TMEM232: variants seen among roughly 807,000 people sequenced by gnomAD.
TMEM232 encodes transmembrane protein 232.
TMEM232 carries 80 observed loss-of-function variants against 78.8 expected under a neutral mutation model. The observed-to-expected ratio is 1.01, with a 90% CI of 0.85 to 1.22. The LOEUF is 1.22. TMEM232 is among the 50% of genes most tolerant of loss of function. The pLI is 0.00. For synonymous variants in TMEM232, 297 were observed against 254.3 expected (o/e 1.17, Z -1.60); for missense variants, 881 against 742.2 (o/e 1.19, Z -2.17).
At chr5:110,387,719 C>A (rs1755039667) in intron 5 of TMEM232, 1 of 152,154 alleles carries the variant, frequency 6.6e-6, no homozygotes, top group African/African-American at 2.4e-5. Flanking sequence ...AAATACCCTT[C>A]TAGATGTTTT....
intron 1 of TMEM232, among the ~76,000 whole-genome samples, chr5:110,682,211 T>C (rs1041352641): frequency 6.6e-6 from 1 of 152,178 alleles, no homozygotes; most frequent in Admixed American, 6.5e-5. Flanking sequence ...ATTAAAATTA[T>C]CCTTAAGATT....
chr5:110,731,765 T>A (rs1335493925), intron 2 of TMEM232, among the ~76,000 whole-genome samples: 1 of 152,222 alleles, frequency 6.6e-6, no homozygotes, highest in African/African-American at 2.4e-5. Context: ...GATGGAAGGA[T>A]GCCATGAAAG....
intron 12 of TMEM232, among the ~76,000 whole-genome samples, chr5:110,486,734 G>T (rs1764504462): frequency 6.6e-6 from 1 of 152,058 alleles, no homozygotes; most frequent in Non-Finnish European, 1.5e-5. Flanking sequence ...AGTATAGTTT[G>T]AAATCAGGTA....
chr5:110,514,028 C>A (rs779761564), intron 12 of TMEM232: 2 of 168,154 alleles, frequency 1.2e-5, no homozygotes, highest in East Asian at 3.8e-4. Flanking sequence ...TGATCCAACC[C>A]ATTTATTTAA....
intron 2 of TMEM232, among the ~76,000 whole-genome samples, chr5:110,658,351 G>A (rs544097968): frequency 1.3e-5 from 2 of 151,954 alleles, no homozygotes; most frequent in African/African-American, 2.4e-5. Flanking sequence ...TATTGCCTTT[G>A]TGTTTCTTTA....
chr5:110,680,052 T>C (rs1215650819), intron 1 of TMEM232, among the ~76,000 whole-genome samples: 2 of 152,112 alleles, frequency 1.3e-5, no homozygotes, highest in Non-Finnish European at 2.9e-5. Context: ...TCTGGAGTTG[T>C]CCAGGAATGT....
intron 1 of TMEM232, among the ~76,000 whole-genome samples, chr5:110,716,539 CAA>C (rs1426356810): frequency 6.6e-6 from 1 of 152,064 alleles, no homozygotes. Flanking sequence ...GCACAGTTCA[CAA>C]TAGAGTTTGC....
At chr5:110,395,594 T>A (rs1755355193) in intron 3 of TMEM232, among the ~76,000 whole-genome samples, 1 of 152,134 alleles carries the variant, frequency 6.6e-6, no homozygotes, top group South Asian at 2.1e-4. Context: ...AATTTTCAGA[T>A]TGTTTGGTGT....
chr5:110,432,660 G>A (rs1160017820), intron 12 of TMEM232, among the ~76,000 whole-genome samples: 1 of 151,614 alleles, frequency 6.6e-6, no homozygotes, highest in Non-Finnish European at 1.5e-5. Context: ...TAGCCTAAAT[G>A]CTCCACTTAC....
chr5:110,623,084 G>C (rs1464740096), intron 7 of TMEM232, among the ~76,000 whole-genome samples: 3 of 152,014 alleles, frequency 2.0e-5, no homozygotes, highest in Non-Finnish European at 4.4e-5. Flanking sequence ...CAGCGTTCTG[G>C]CTCTGCTATC....
intron 1 of TMEM232, among the ~76,000 whole-genome samples, chr5:110,692,641 C>T (rs939090543): frequency 2.6e-5 from 4 of 152,352 alleles, no homozygotes; most frequent in African/African-American, 9.6e-5. Context: ...AAACGGCACA[C>T]CAGGAGATTA....
intron 12 of TMEM232, among the ~76,000 whole-genome samples, chr5:110,444,736 T>C (rs1305841215): frequency 6.6e-6 from 1 of 152,202 alleles, no homozygotes; most frequent in African/African-American, 2.4e-5. Flanking sequence ...AAATTTATTT[T>C]TGAGCACAAT....
chr5:110,701,582 T>A (rs142045696), intron 1 of TMEM232, among the ~76,000 whole-genome samples: 86 of 152,154 alleles, frequency 5.7e-4, no homozygotes, highest in Non-Finnish European at 8.4e-4. Context: ...TTGTAAGCAA[T>A]TAATATTTTA....
intron 11 of TMEM232, among the ~76,000 whole-genome samples, chr5:110,532,532 G>T (rs1247999030): frequency 6.6e-6 from 1 of 151,764 alleles, no homozygotes; most frequent in African/African-American, 2.4e-5. Flanking sequence ...CCCCAACTCT[G>T]GTGCCAACTT....
chr5:110,427,385 G>A (rs1032065546), intron 12 of TMEM232, among the ~76,000 whole-genome samples: 1 of 151,878 alleles, frequency 6.6e-6, no homozygotes, highest in African/African-American at 2.4e-5. Flanking sequence ...GAATTCAGAG[G>A]AAAAAGCCAT....
At chr5:110,552,046 G>T (rs1171970799) in intron 11 of TMEM232, among the ~76,000 whole-genome samples, 1 of 151,976 alleles carries the variant, frequency 6.6e-6, no homozygotes, top group African/African-American at 2.4e-5. Flanking sequence ...AATACAGAAA[G>T]AAATGAAGAA....
intron 11 of TMEM232, among the ~76,000 whole-genome samples, chr5:110,556,937 A>T (rs1581202492): frequency 6.6e-6 from 1 of 152,036 alleles, no homozygotes; most frequent in Non-Finnish European, 1.5e-5. Flanking sequence ...GGTTAAGGAC[A>T]TTTTCATTGG....
intron 12 of TMEM232, among the ~76,000 whole-genome samples, chr5:110,484,744 G>A (rs1042110517): frequency 7.9e-5 from 12 of 151,942 alleles, no homozygotes; most frequent in Non-Finnish European, 7.4e-5. Context: ...TGGTGAACTC[G>A]TCAATATAAC....
At chr5:110,414,902 G>C (rs952196731), downstream of TMEM232, among the ~76,000 whole-genome samples, 1 of 152,140 alleles carries the variant, frequency 6.6e-6, no homozygotes, top group African/African-American at 2.4e-5. Context: ...CACTGAAGTA[G>C]ATCTAATTTC....
Sources: gnomAD v4.1 joint callset for allele counts (sites outside exome capture counted in the v4.1 genomes callset) on GRCh38, gnomAD v4.1.1 for gene constraint, MANE v1.5 for transcripts, NCBI Gene and HGNC (gene_info 2026-07-23, HGNC 2026-07-21) for gene names.